Variants in TBC1D4 observed in about 807,000 individuals in gnomAD.
TBC1D4 encodes TBC (Tre-2, BUB2, CDC16) domain-containing protein.
TBC1D4 carries 121 observed loss-of-function variants against 142.5 expected under a neutral mutation model. The observed-to-expected ratio is 0.85, with a 90% CI of 0.73 to 0.99. The LOEUF is 0.99. TBC1D4 is among the 50% of genes least tolerant of loss of function. The pLI, the probability that TBC1D4 is intolerant of heterozygous loss-of-function variation, is 0.00. For synonymous variants in TBC1D4, 630 were observed against 628.2 expected (o/e 1.00, Z -0.04); for missense variants, 1,475 against 1,606.6 (o/e 0.92, Z 1.40).
At chr13:75,399,915 G>A (rs1348251908) in intron 1 of TBC1D4, among the ~76,000 whole-genome samples, 1 of 152,168 alleles carries the variant, frequency 6.6e-6, no homozygotes, top group Admixed American at 6.5e-5. Context: ...CTGACATGCT[G>A]TAAGGCAGGT....
intron 5 of TBC1D4, 75 bp downstream of exon 5, chr13:75,349,093 CAA>C: frequency 6.3e-7 from 1 of 1,599,506 alleles, no homozygotes; most frequent in Non-Finnish European, 8.5e-7. Flanking sequence ...AAGAACTATT[CAA>C]TGACAATAGG....
intron 1 of TBC1D4, among the ~76,000 whole-genome samples, chr13:75,399,943 G>A (rs1183015029): frequency 6.6e-6 from 1 of 152,078 alleles, no homozygotes; most frequent in Non-Finnish European, 1.5e-5. Context: ...GCGTTGGGGA[G>A]AGACCAAAAG....
intron 9 of TBC1D4, among the ~76,000 whole-genome samples, chr13:75,326,924 A>AAT (rs1281669964): frequency 6.6e-6 from 1 of 152,208 alleles, no homozygotes; most frequent in Non-Finnish European, 1.5e-5. Context: ...TCCAAGTCTC[A>AAT]TGGCAAAGCC....
intron 20 of TBC1D4, among the ~76,000 whole-genome samples, chr13:75,287,484 G>C (rs1443375523): frequency 6.6e-6 from 1 of 152,142 alleles, no homozygotes; most frequent in Non-Finnish European, 1.5e-5. Context: ...TGACTACACT[G>C]AACTGTCAGT....
At chr13:75,398,087 C>T (rs188940456) in intron 1 of TBC1D4, among the ~76,000 whole-genome samples, 1 of 152,284 alleles carries the variant, frequency 6.6e-6, no homozygotes, top group Non-Finnish European at 1.5e-5. Context: ...GGTGTTTGAG[C>T]CACTCAGTCA....
At chr13:75,435,459 G>T (rs1284967115) in intron 1 of TBC1D4, among the ~76,000 whole-genome samples, 1 of 151,862 alleles carries the variant, frequency 6.6e-6, no homozygotes, top group Non-Finnish European at 1.5e-5. Flanking sequence ...AGTAATAACT[G>T]TAACAAGGTT....
intron 1 of TBC1D4, among the ~76,000 whole-genome samples, chr13:75,470,465 G>A (rs1462623495): frequency 6.6e-6 from 1 of 152,138 alleles, no homozygotes; most frequent in Non-Finnish European, 1.5e-5. Flanking sequence ...CAAAAACTCC[G>A]GGGGTCAGGG....
chr13:75,466,232 C>G (rs910078206), intron 1 of TBC1D4, among the ~76,000 whole-genome samples: 4 of 152,188 alleles, frequency 2.6e-5, no homozygotes, highest in African/African-American at 9.6e-5. Flanking sequence ...TGCAAAGCCA[C>G]CAAATGGCAA....
intron 10 of TBC1D4, 68 bp downstream of exon 10, chr13:75,326,129 G>T: frequency 1.3e-6 from 2 of 1,547,570 alleles, no homozygotes; most frequent in South Asian, 1.1e-5. Flanking sequence ...AATCCACCTT[G>T]ACTCCAGAGT....
chr13:75,375,462 G>A (rs1450697225), intron 1 of TBC1D4: 1 of 152,180 alleles, frequency 6.6e-6, no homozygotes, highest in East Asian at 1.9e-4. Context: ...GAACCCAATC[G>A]TTGGGATTGG....
chr13:75,369,497 T>TCACACACACA (rs67470405), intron 1 of TBC1D4, among the ~76,000 whole-genome samples: 92 of 150,652 alleles, frequency 6.1e-4, no homozygotes, highest in Middle Eastern at 3.4e-3. Context: ...AGACCCTGTC[T>TCACACACACA]CACACACACA....
chr13:75,430,050 A>G (rs1325465), intron 1 of TBC1D4, among the ~76,000 whole-genome samples: 151,667 of 152,320 alleles, frequency 1, 75,512 homozygotes, highest in Middle Eastern at 1. Context: ...GAAGGGTTAA[A>G]CAGAACAAGC....
At chr13:75,400,428 T>A (rs9318341) in intron 1 of TBC1D4, among the ~76,000 whole-genome samples, 1 of 151,506 alleles carries the variant, frequency 6.6e-6, no homozygotes, top group African/African-American at 2.4e-5. Flanking sequence ...CAAAGTGTTC[T>A]TTCTAAATAC....
chr13:75,351,555 G>T (rs992315752), intron 4 of TBC1D4, among the ~76,000 whole-genome samples: 3 of 151,674 alleles, frequency 2.0e-5, no homozygotes, highest in Non-Finnish European at 4.4e-5. Context: ...ATCTCCTAAG[G>T]CTATCCTTCC....
chr13:75,379,885 CTCTT>C lies in TBC1D4; in HGVS notation c.499-17282_499-17279del, dbSNP rs1883719779. ...AAGTATATCAGTTTTGTTCATCTGA[CTCTT>C]TTTTTTTTTTTTTTTTTTTTTTTTT... On this transcript the variant is annotated intron_variant, in intron 1 of 20. Transcript: ENST00000377636. 1.3e-4 allele frequency among the ~76,000 whole-genome samples: 13 copies of C among 98,556 alleles called. 3 individuals carry two copies. The South Asian group carries it at 1.3e-3, about 10-fold the overall frequency. The allele number at this position is 98,556 out of a possible 152,430, so 64.7% of individuals were successfully genotyped here. A position where few individuals can be genotyped will look rare whatever the true frequency, so the allele number is the denominator to read the frequency against.
At chr13:75,407,850 TG>T (rs1415018379) in intron 1 of TBC1D4, among the ~76,000 whole-genome samples, 1 of 151,000 alleles carries the variant, frequency 6.6e-6, no homozygotes, top group Non-Finnish European at 1.5e-5. Flanking sequence ...AGAAACGGCT[TG>T]ATCAGGAGAG....
At position 75,306,325 on chromosome 13, in the gene TBC1D4, G is replaced by A. The variant is rs1315588919; in HGVS notation, c.2740C>T (p.Leu914Phe). Residue 914 changes from leucine (L) to phenylalanine (F), a missense_variant, in exon 15 of 21, where the codon CTT becomes TTT. By Grantham distance (22) the Leu-to-Phe change is conservative. Around this residue, in one of 2 missense-constraint regions of TBC1D4, gnomAD observed 1,227 missense variants for 1,267.7 expected, o/e 0.97. Coordinates refer to ENST00000377636, the MANE Select transcript of TBC1D4 (RefSeq NM_014832.5). ...TTATCCCAAATACCTTCTTTAAGAA[G>A]AGTATGAATATCTTCCATATCACAT... ...IRCDMEDIHT[L>F]LKEGVPKSRR... 2 of 1,610,238 alleles carry A rather than the reference G, an allele frequency of 1.2e-6. No homozygotes were observed. The highest frequency in any genetic ancestry group is 1.7e-6 in the Non-Finnish European group (2 of 1,179,262).
chr13:75,470,814 C>T (rs767244701), intron 1 of TBC1D4, among the ~76,000 whole-genome samples: 5 of 151,918 alleles, frequency 3.3e-5, no homozygotes, highest in Non-Finnish European at 5.9e-5. Flanking sequence ...AGTGAAACCT[C>T]GTTTCTACCA....
chr13:75,299,230 G>A, intron 17 of TBC1D4, 100 bp downstream of exon 17: 1 of 1,579,718 alleles, frequency 6.3e-7, no homozygotes, highest in East Asian at 2.3e-5. Flanking sequence ...CTAAGACAAT[G>A]GCTCTACATT....
Sources: gnomAD v4.1 joint callset for allele counts (sites outside exome capture counted in the v4.1 genomes callset) on GRCh38, gnomAD v4.1.1 for gene constraint, gnomAD v4.1.1 regional missense constraint, MANE v1.5 for transcripts, NCBI Gene and HGNC (gene_info 2026-07-23, HGNC 2026-07-21) for gene names.